The following CADPS variants were observed in gnomAD, a reference collection of about 807,000 sequenced individuals.
The protein encoded by CADPS is calcium dependent secretion activator, also known as calcium-dependent secretion activator 1.
Under a neutral mutation model 167.3 loss-of-function variants are expected in CADPS, and 57 were observed. The observed-to-expected ratio is 0.34, with a 90% CI of 0.28 to 0.42. CADPS has a LOEUF of 0.42. Ranked by LOEUF, CADPS falls within the 20% of genes least tolerant of loss-of-function variation. CADPS has a pLI of 1.00. For synonymous variants in CADPS, 676 were observed against 635.3 expected, an observed-to-expected ratio of 1.06 and a Z score of -0.96; for missense variants, 1,414 against 1,738.1, an observed-to-expected ratio of 0.81 and a Z score of 3.32.
chr3:62,666,839 A>G (rs567075641), intron 3 of CADPS, among the ~76,000 whole-genome samples: 3 of 152,152 alleles, frequency 2.0e-5, no homozygotes, highest in Non-Finnish European at 4.4e-5. Context: ...CTGTAGGGCC[A>G]ATTTAAACAC....
intron 3 of CADPS, among the ~76,000 whole-genome samples, chr3:62,717,752 A>G (rs895456706): frequency 3.3e-5 from 5 of 152,190 alleles, no homozygotes; most frequent in African/African-American, 1.2e-4. Context: ...TTCTCAAGGC[A>G]TAAATGAAAT....
chr3:62,840,462 T>C (rs1451641789), intron 1 of CADPS, among the ~76,000 whole-genome samples: 1 of 152,228 alleles, frequency 6.6e-6, no homozygotes, highest in African/African-American at 2.4e-5. Context: ...ATACTTTCAA[T>C]CATATAAATG....
At chr3:62,572,719 G>A (rs2081516148) in intron 8 of CADPS, among the ~76,000 whole-genome samples, 1 of 152,026 alleles carries the variant, frequency 6.6e-6, no homozygotes, top group Non-Finnish European at 1.5e-5. Context: ...ACATTATGTA[G>A]CACATATTAA....
chr3:62,401,563 T>A (rs1411691870), intron 29 of CADPS, among the ~76,000 whole-genome samples: 5 of 152,188 alleles, frequency 3.3e-5, no homozygotes, highest in Non-Finnish European at 7.3e-5. Context: ...CCTTGGAAAT[T>A]TGCCCTGGAG....
intron 3 of CADPS, among the ~76,000 whole-genome samples, chr3:62,717,683 T>C (rs1428475497): frequency 6.6e-6 from 1 of 152,188 alleles, no homozygotes; most frequent in Non-Finnish European, 1.5e-5. Flanking sequence ...ATCAGATTCC[T>C]ACCTGGTCTC....
At chr3:62,858,274 C>T (rs73097474) in intron 1 of CADPS, among the ~76,000 whole-genome samples, 29,654 of 152,094 alleles carry the variant, frequency 0.19, 3,283 homozygotes, top group Middle Eastern at 0.35. Context: ...TCAGCCTTGG[C>T]TTCAGCCTAA....
chr3:62,528,155 C>T (rs1439496615), intron 13 of CADPS, among the ~76,000 whole-genome samples: 3 of 152,006 alleles, frequency 2.0e-5, no homozygotes, highest in African/African-American at 4.8e-5. Flanking sequence ...TATCAAACGG[C>T]CAGGTTTGCC....
At chr3:62,431,993 C>T (rs1436876774) in intron 28 of CADPS, among the ~76,000 whole-genome samples, 1 of 151,908 alleles carries the variant, frequency 6.6e-6, no homozygotes, top group African/African-American at 2.4e-5. Context: ...CTACAATATA[C>T]ATATACTGCA....
At chr3:62,543,343 A>G (rs1331743362) in intron 11 of CADPS, among the ~76,000 whole-genome samples, 1 of 152,214 alleles carries the variant, frequency 6.6e-6, no homozygotes. Context: ...AAGGCAAACA[A>G]TTGTTTAAAA....
intron 19 of CADPS, among the ~76,000 whole-genome samples, chr3:62,492,708 C>T (rs992755591): frequency 2.6e-5 from 4 of 152,146 alleles, no homozygotes; most frequent in Non-Finnish European, 4.4e-5. Flanking sequence ...AAATGACAGA[C>T]GTGGAACTTC....
intron 6 of CADPS, among the ~76,000 whole-genome samples, chr3:62,636,976 T>G (rs71296783): frequency 1.4e-4 from 21 of 152,144 alleles, no homozygotes; most frequent in Non-Finnish European, 2.6e-4. Context: ...TGTGTGGAGT[T>G]GTAGGATTTG....
In CADPS at chr3:62,435,354, AC is replaced by A. The variant is rs998541878; in HGVS notation, c.3777+2749del. 5.9e-5 allele frequency among the ~76,000 whole-genome samples: 9 copies of A among 152,350 alleles called. No individual in the cohort carries two copies. In the South Asian group the frequency reaches 1.2e-3, roughly 21 times the overall value. On this transcript the variant is annotated intron_variant, in intron 28 of 29. Transcript: ENST00000383710. ...AGAGCATGTACACAAAGAAATAAAC[AC>A]CATGCTTGAGGAAACAGAAGCCGAA...
At chr3:62,617,989 C>T (rs1165048561) in intron 6 of CADPS, among the ~76,000 whole-genome samples, 1 of 152,080 alleles carries the variant, frequency 6.6e-6, no homozygotes, top group African/African-American at 2.4e-5. Flanking sequence ...GTGAAGGTGA[C>T]CCCACCCCTG....
At chr3:62,724,458 C>A (rs2076378563) in intron 3 of CADPS, among the ~76,000 whole-genome samples, 1 of 152,084 alleles carries the variant, frequency 6.6e-6, no homozygotes, top group Non-Finnish European at 1.5e-5. Context: ...TTAATTTTGT[C>A]TGGTAATGAC....
At chr3:62,707,801 C>T (rs56350815) in intron 3 of CADPS, among the ~76,000 whole-genome samples, 10,073 of 151,842 alleles carry the variant, frequency 0.066, 403 homozygotes, top group Middle Eastern at 0.095. Context: ...TTAATTTTAC[C>T]TGCTTATTTT....
In CADPS at chr3:62,417,276, C is replaced by CTTTTTTTTTTTTTT. The variant is rs11353455; in HGVS notation, c.3778-14105_3778-14092dup. On this transcript the variant is annotated intron_variant, in intron 28 of 29. Coordinates refer to ENST00000383710, the MANE Select transcript of CADPS (RefSeq NM_003716.4). ...ACACAATAACTATTTTTCTTTTACT[C>CTTTTTTTTTTTTTT]TTTTTTTTTTTTTTTTTTTTTTTTT... Among the ~76,000 whole-genome samples, 127 of 64,084 alleles carry CTTTTTTTTTTTTTT rather than the reference C, an allele frequency of 2.0e-3. 42 individuals carry two copies. Among genetic ancestry groups the CTTTTTTTTTTTTTT allele is most frequent in the East Asian group, 3.2e-3 (6 of 1,850 alleles). The allele number at this position is 64,084 out of a possible 152,430, so 42.0% of individuals were successfully genotyped here. A position where few individuals can be genotyped will look rare whatever the true frequency, so the allele number is the denominator to read the frequency against.
intron 1 of CADPS, among the ~76,000 whole-genome samples, chr3:62,807,999 G>A (rs763407303): frequency 2.6e-5 from 4 of 151,724 alleles, no homozygotes; most frequent in African/African-American, 7.3e-5. Flanking sequence ...TCAGCCTCCC[G>A]AGTAGCTGGG....
At chr3:62,448,486 G>C (rs746711453) in intron 26 of CADPS, among the ~76,000 whole-genome samples, 1 of 152,094 alleles carries the variant, frequency 6.6e-6, no homozygotes, top group Non-Finnish European at 1.5e-5. Flanking sequence ...TTTAATAAAT[G>C]ATGACTTGCA....
intron 3 of CADPS, among the ~76,000 whole-genome samples, chr3:62,719,003 C>CA (rs1228892464): frequency 6.6e-6 from 1 of 152,162 alleles, no homozygotes; most frequent in Non-Finnish European, 1.5e-5. Flanking sequence ...GGGAAGGAAT[C>CA]AGAAGGCCTT....
Sources: allele counts gnomAD v4.1 joint callset (sites outside exome capture counted in the v4.1 genomes callset), GRCh38; gene constraint gnomAD v4.1.1; transcripts MANE v1.5; gene names NCBI Gene and HGNC (gene_info 2026-07-23, HGNC 2026-07-21).